Variants in GALNS observed in about 807,000 individuals in gnomAD.
GALNS encodes the protein galactosamine (N-acetyl)-6-sulfatase.
A neutral mutation model predicts 65.9 loss-of-function variants in GALNS; 65 were observed. The observed-to-expected ratio is 0.99, with a 90% confidence interval of 0.81 to 1.21. The LOEUF (loss-of-function observed/expected upper bound fraction) is 1.21. GALNS is among the 50% of genes most tolerant of loss of function. The pLI is 0.00. For synonymous variants in GALNS, 346 were observed against 288.9 expected, an observed-to-expected ratio of 1.20 and a Z score of -2.00; for missense variants, 776 against 700.7, an observed-to-expected ratio of 1.11 and a Z score of -1.21.
At chr16:88,850,746 C>T (rs962128038) in intron 1 of GALNS, among the ~76,000 whole-genome samples, 4 of 152,198 alleles carry the variant, frequency 2.6e-5, no homozygotes, top group Admixed American at 6.5e-5. Flanking sequence ...AGCACAGGTG[C>T]GGGATGCTGA....
At chr16:88,825,122 GC>G (rs1567519710) in intron 10 of GALNS, among the ~76,000 whole-genome samples, 141 of 129,588 alleles carry the variant, frequency 1.1e-3, no homozygotes, top group Admixed American at 2.6e-3. Flanking sequence ...GGTGTCTGGG[GC>G]TGGGGTGTCT....
chr16:88,829,563 C>A (rs1488596883), intron 9 of GALNS, among the ~76,000 whole-genome samples: 1 of 152,248 alleles, frequency 6.6e-6, no homozygotes, highest in Non-Finnish European at 1.5e-5. Flanking sequence ...GCCCAGACAG[C>A]TGTAGAGAAC....
At position 88,814,094 on chromosome 16, in the gene GALNS, C is replaced by A. The variant is rs867027604; in HGVS notation, c.*345G>T. On this transcript the variant is annotated 3_prime_UTR_variant, in exon 14 of 14. Transcript: ENST00000268695. ...CTCAGGCACCTGTTGTCAGGACCTCCTGAGGCTGTCACAGGTGCATCCTTA... is the reference window on the plus strand; with the variant it reads ...CTCAGGCACCTGTTGTCAGGACCTCATGAGGCTGTCACAGGTGCATCCTTA... 2.4e-6 allele frequency: 1 copy of A among 410,746 alleles called. No homozygotes were observed. The highest frequency in any genetic ancestry group is 4.6e-6 in the Non-Finnish European group (1 of 217,204). The allele number at this position is 410,746 out of a possible 1,614,324, so 25.4% of individuals were successfully genotyped here. A position where few individuals can be genotyped will look rare whatever the true frequency, so the allele number is the denominator to read the frequency against.
chr16:88,834,467 C>A (rs55768462), intron 8 of GALNS, among the ~76,000 whole-genome samples: 3 of 94,164 alleles, frequency 3.2e-5, no homozygotes, highest in East Asian at 4.1e-4. Flanking sequence ...GGGCCCCCCC[C>A]GTGTGGTCTG....
At position 88,835,317 on chromosome 16, in the gene GALNS, A is replaced by C; in HGVS notation, c.794T>G (p.Ile265Ser). ...GDAVREIDDS[I>S]GKILELLQDL... ...TTGGAGGAGCTCCAGTATCTTCCCA[A>C]TGCTGTCATCAATCTCCCGGACGGC... The change falls in exon 8 of 14, where the codon ATT (isoleucine) becomes AGT (serine). Residue 265 changes from isoleucine to serine, a missense_variant. Ile to Ser is a moderately radical substitution (Grantham distance 142). Coordinates refer to ENST00000268695, the MANE Select transcript of GALNS (RefSeq NM_000512.5). 1 of 1,613,612 alleles carries C rather than the reference A, an allele frequency of 6.2e-7. No individual in the cohort carries two copies. Among genetic ancestry groups the C allele is most frequent in the Non-Finnish European group, 8.5e-7 (1 of 1,179,872 alleles).
Position 88,835,845 on chromosome 16 carries a change from G to A in GALNS, c.638C>T (p.Ala213Val), listed in dbSNP as rs770239604. 8.1e-6 allele frequency: 13 copies of A among 1,613,916 alleles called. No homozygotes were observed. The East Asian group carries it at 1.1e-4, about 14-fold the overall frequency. The change falls in exon 7 of 14, where the codon GCC (alanine) becomes GTC (valine). Residue 213 changes from alanine (A) to valine (V), a missense_variant. Physicochemically the swap from Ala to Val is moderately conservative, Grantham distance 64 (BLOSUM62 0). Transcript: ENST00000268695. The part of the protein sequence containing the change: ...ANLTQIYLQE[A>V]LDFIKRQARH... ...TGCCTGTCTCTTAATGAAGTCCAGG[G>A]CTTCCTATGGAGAGAGCCACACCGT...
intron 4 of GALNS, 38 bp from the exon 5 acceptor site, chr16:88,837,803 G>A (rs1037919404): frequency 1.4e-5 from 23 of 1,610,878 alleles, no homozygotes; most frequent in African/African-American, 9.3e-5. Context: ...GGGACCCCAC[G>A]TGGGGACACT....
chr16:88,835,130 C>A (rs1197677159), intron 8 of GALNS, 83 bp downstream of exon 8: 5 of 1,516,806 alleles, frequency 3.3e-6, no homozygotes, highest in Non-Finnish European at 4.5e-6. Flanking sequence ...CCACCACAGA[C>A]CCCGTGGGCA....
At chr16:88,854,718 G>C (rs1247763551) in intron 1 of GALNS, among the ~76,000 whole-genome samples, 1 of 152,258 alleles carries the variant, frequency 6.6e-6, no homozygotes, top group Non-Finnish European at 1.5e-5. Flanking sequence ...GATGTGGCCA[G>C]TTCAGAGGCA....
At chr16:88,854,496 G>A (rs1274205445) in intron 1 of GALNS, among the ~76,000 whole-genome samples, 1 of 152,242 alleles carries the variant, frequency 6.6e-6, no homozygotes, top group African/African-American at 2.4e-5. Flanking sequence ...CCAGGCAGAT[G>A]AGATGATCAG....
chr16:88,847,356 CAG>C (rs1335688057), intron 1 of GALNS, among the ~76,000 whole-genome samples: 1 of 152,104 alleles, frequency 6.6e-6, no homozygotes, highest in Non-Finnish European at 1.5e-5. Context: ...AGGTAACAGA[CAG>C]AGAACCCTGT....
intron 2 of GALNS, chr16:88,842,294 C>G (rs558720722): frequency 3.8e-6 from 2 of 526,414 alleles, no homozygotes; most frequent in Non-Finnish European, 3.5e-6. Context: ...AGCCCCGTGC[C>G]CTGCCTTCTC....
At chr16:88,840,744 G>T in intron 4 of GALNS, 1 of 543,344 alleles carries the variant, frequency 1.8e-6, no homozygotes, top group Non-Finnish European at 3.3e-6. Context: ...GACGGTGACA[G>T]GCCTGCGGAG....
At chr16:88,824,913 C>T (rs375087375) in intron 10 of GALNS, 44 bp from the exon 11 acceptor site, 335 of 1,537,728 alleles carry the variant, frequency 2.2e-4, no homozygotes, top group Middle Eastern at 3.4e-4. Context: ...AGGAAGGACA[C>T]GCTGGGGCCA....
At chr16:88,842,424 C>G in intron 2 of GALNS, 1 of 549,772 alleles carries the variant, frequency 1.8e-6, no homozygotes. Flanking sequence ...ACTGCAGCAC[C>G]TCTCCCCAGG....
intron 5 of GALNS, 109 bp downstream of exon 5, chr16:88,837,513 C>A: frequency 8.6e-7 from 1 of 1,167,962 alleles, no homozygotes; most frequent in African/African-American, 1.5e-5. Context: ...CAGGGACAGA[C>A]CAGCCCTCAT....
At chr16:88,826,661 C>T (rs1196455942) in intron 10 of GALNS, 41 bp downstream of exon 10, 1 of 1,601,064 alleles carries the variant, frequency 6.2e-7, no homozygotes, top group Non-Finnish European at 8.5e-7. Context: ...GGCTTCACTA[C>T]TTGGATCGGG....
intron 9 of GALNS, among the ~76,000 whole-genome samples, chr16:88,830,555 C>A (rs1033937311): frequency 5.3e-5 from 8 of 152,212 alleles, no homozygotes; most frequent in Admixed American, 3.3e-4. Context: ...GGGCAAAAGA[C>A]TAAGAAACAG....
chr16:88,815,777 G>C, intron 13 of GALNS: 4 of 985,446 alleles, frequency 4.1e-6, no homozygotes, highest in Non-Finnish European at 4.8e-6. Flanking sequence ...TTGGCCACCA[G>C]AGCAGGAGTG....
Sources: allele counts gnomAD v4.1 joint callset (sites outside exome capture counted in the v4.1 genomes callset), GRCh38; gene constraint gnomAD v4.1.1; transcripts MANE v1.5; gene names NCBI Gene and HGNC (gene_info 2026-07-23, HGNC 2026-07-21).